CREBRF: variants seen among roughly 807,000 people sequenced by gnomAD.
The protein encoded by CREBRF is CREB3 regulatory factor, also known as UPF0474 protein C5orf41.
Under a neutral mutation model 66.1 loss-of-function variants are expected in CREBRF, and 5 were observed. The ratio of observed to expected loss-of-function variants is 0.08; its 90% CI spans 0.04 to 0.16. CREBRF has a LOEUF of 0.16. Among genes scored for constraint, CREBRF ranks in the 10% least tolerant of loss-of-function variants. The pLI is 1.00. For missense variants in CREBRF, 531 were observed against 744.9 expected (o/e 0.71, Z 3.34); for synonymous variants, 229 against 264.4 (o/e 0.87, Z 1.30).
chr5:173,104,373 A>G (rs1758699756), intron 4 of CREBRF, among the ~76,000 whole-genome samples: 1 of 152,120 alleles, frequency 6.6e-6, no homozygotes, highest in Non-Finnish European at 1.5e-5. Context: ...GATCATTGAT[A>G]GTCTCTGTAT....
At chr5:173,094,380 G>C (rs1282674038) in intron 4 of CREBRF, among the ~76,000 whole-genome samples, 1 of 152,112 alleles carries the variant, frequency 6.6e-6, no homozygotes, top group Admixed American at 6.5e-5. Flanking sequence ...CATAATGACT[G>C]TACCAATTTA....
rs1279991476 is a variant in CREBRF, at chr5:173,059,260, TTTTTC to T, written c.-192+2786_-192+2790del. ...TATTTATCAGTTCTTCTTTTTCTTTTTTTTCTTTTTTTTTTTTTTTTGAGACGGAG... is the reference window on the plus strand; with the variant it reads ...TATTTATCAGTTCTTCTTTTTCTTTTTTTTTTTTTTTTTTTTGAGACGGAG... On this transcript the variant is annotated intron_variant, in intron 1 of 8. Coordinates refer to ENST00000296953, the MANE Select transcript of CREBRF (RefSeq NM_153607.3). 3.9e-3 allele frequency among the ~76,000 whole-genome samples: 299 copies of T among 77,152 alleles called. 9 individuals carry two copies. The Middle Eastern group carries it at 0.048, about 12-fold the overall frequency. 50.6% of individuals were successfully genotyped at this position (77,152 alleles called of 152,430 possible).
intron 1 of CREBRF, among the ~76,000 whole-genome samples, chr5:173,062,998 C>T (rs112427077): frequency 0.093 from 14,162 of 152,038 alleles, 779 homozygotes; most frequent in South Asian, 0.16. Context: ...CCGCCCGCCT[C>T]GGCCTCCCAA....
intron 1 of CREBRF, among the ~76,000 whole-genome samples, chr5:173,073,115 CAT>C (rs1426515092): frequency 6.6e-6 from 1 of 152,188 alleles, no homozygotes; most frequent in Non-Finnish European, 1.5e-5. Context: ...CACGCATGCA[CAT>C]GTTTAGGTTC....
At chr5:173,116,084 AG>A (rs1450361418) in intron 7 of CREBRF, among the ~76,000 whole-genome samples, 1 of 152,222 alleles carries the variant, frequency 6.6e-6, no homozygotes, top group Non-Finnish European at 1.5e-5. Flanking sequence ...GGATTGTTTG[AG>A]ACTAGCCTGG....
intron 4 of CREBRF, among the ~76,000 whole-genome samples, chr5:173,101,914 T>C (rs969773687): frequency 3.9e-5 from 6 of 152,216 alleles, no homozygotes; most frequent in Non-Finnish European, 8.8e-5. Context: ...ACTATTCCTA[T>C]AATGTGCATT....
At chr5:173,107,817 ATTTTTTTTTT>A (rs559120882) in intron 4 of CREBRF, among the ~76,000 whole-genome samples, 10 of 121,846 alleles carry the variant, frequency 8.2e-5, no homozygotes, top group African/African-American at 1.2e-4. Flanking sequence ...TCTCTACAAA[ATTTTTTTTTT>A]TTTTTTTTTT....
intron 1 of CREBRF, among the ~76,000 whole-genome samples, chr5:173,076,449 T>C (rs1189784844): frequency 3.3e-5 from 5 of 152,156 alleles, no homozygotes; most frequent in African/African-American, 1.2e-4. Context: ...AGAAATGATT[T>C]ATTTAAATTA....
At chr5:173,063,565 C>T (rs755720458) in intron 1 of CREBRF, among the ~76,000 whole-genome samples, 16 of 152,166 alleles carry the variant, frequency 1.1e-4, no homozygotes, top group East Asian at 1.9e-4. Flanking sequence ...GGTGGGGTTT[C>T]GCCATGTTGG....
chr5:173,085,446 C>A, intron 2 of CREBRF: 3 of 711,204 alleles, frequency 4.2e-6, no homozygotes, highest in Non-Finnish European at 4.6e-6. Flanking sequence ...GACGGAGTTT[C>A]GCTCTTGTTG....
At chr5:173,061,197 A>ACCT (rs1422980536) in intron 1 of CREBRF, among the ~76,000 whole-genome samples, 2 of 151,672 alleles carry the variant, frequency 1.3e-5, no homozygotes, top group Non-Finnish European at 2.9e-5. Context: ...CAATCTCCTG[A>ACCT]CCTCCTGATC....
chr5:173,096,026 G>A (rs1293753928), intron 4 of CREBRF, among the ~76,000 whole-genome samples: 2 of 151,920 alleles, frequency 1.3e-5, no homozygotes, highest in Non-Finnish European at 2.9e-5. Context: ...CTGGAGTGCA[G>A]TGGCGCCATC....
intron 1 of CREBRF, among the ~76,000 whole-genome samples, chr5:173,080,168 G>C (rs1006060335): frequency 6.6e-6 from 1 of 152,086 alleles, no homozygotes; most frequent in Admixed American, 6.5e-5. Context: ...TTATGAGAGA[G>C]ATAAAATGTA....
chr5:173,085,248 T>C, intron 2 of CREBRF: 1 of 455,910 alleles, frequency 2.2e-6, no homozygotes, highest in South Asian at 3.6e-5. Context: ...CAGCCTGAAT[T>C]TTAATTTTTA....
chr5:173,086,269 A>G, intron 2 of CREBRF: 1 of 691,782 alleles, frequency 1.4e-6, no homozygotes, highest in South Asian at 1.6e-5. Context: ...CAGCTTCTCC[A>G]CTGGGGCATT....
chr5:173,118,514 A>T (rs1032650258), intron 7 of CREBRF, among the ~76,000 whole-genome samples: 1 of 151,714 alleles, frequency 6.6e-6, no homozygotes, highest in Non-Finnish European at 1.5e-5. Flanking sequence ...TTTTAGGTCA[A>T]TTTTTGCATA....
chr5:173,088,255 C>CTTTT (rs536962764), intron 3 of CREBRF, among the ~76,000 whole-genome samples: 19 of 66,864 alleles, frequency 2.8e-4, no homozygotes, highest in East Asian at 5.2e-4. Flanking sequence ...CAAATACATT[C>CTTTT]TTTTTTTTTT....
intron 7 of CREBRF, among the ~76,000 whole-genome samples, chr5:173,120,683 C>CTTTTTTT (rs70984942): frequency 1.9e-5 from 1 of 51,284 alleles, no homozygotes; most frequent in Non-Finnish European, 3.8e-5. Context: ...GCCTGAGCCT[C>CTTTTTTT]TTTTTTTTTT....
At chr5:173,059,563 C>T (rs921910539) in intron 1 of CREBRF, among the ~76,000 whole-genome samples, 3 of 152,182 alleles carry the variant, frequency 2.0e-5, no homozygotes, top group African/African-American at 7.2e-5. Context: ...CGCGCCTGGC[C>T]TATCAATTCT....
Sources: gnomAD v4.1 joint callset for allele counts (sites outside exome capture counted in the v4.1 genomes callset) on GRCh38, gnomAD v4.1.1 for gene constraint, MANE v1.5 for transcripts, NCBI Gene and HGNC (gene_info 2026-07-23, HGNC 2026-07-21) for gene names.